Variants in RPGRIP1L observed in about 807,000 individuals in gnomAD.
The protein encoded by RPGRIP1L is protein fantom.
In RPGRIP1L, 131 loss-of-function variants were observed where a neutral mutation model predicts 160.4. The observed-to-expected ratio is 0.82, with a 90% CI of 0.71 to 0.94. RPGRIP1L has a LOEUF of 0.94. Ranked by LOEUF, RPGRIP1L falls within the 40% of genes least tolerant of loss-of-function variation. RPGRIP1L has a pLI of 0.00. For missense variants in RPGRIP1L, 1,522 were observed against 1,535.8 expected (o/e 0.99, Z 0.15); for synonymous variants, 510 against 515.8 (o/e 0.99, Z 0.15).
chr16:53,687,982 A>C lies in RPGRIP1L; in HGVS notation c.530-17T>G. The stretch of plus-strand genomic sequence containing the variant: ...ATTTTATACCTAAAAACAAAGTAAT[A>C]AAATATGATTACAGAATTGAAGTTA... On this transcript the variant is annotated splice_polypyrimidine_tract_variant and intron_variant, in intron 4 of 26. Coordinates refer to ENST00000647211, the MANE Select transcript of RPGRIP1L (RefSeq NM_015272.5). The C allele has an allele frequency of 1.5e-6, 2 of 1,376,576 alleles. No homozygotes were observed. The highest frequency in any genetic ancestry group is 2.1e-6 in the Non-Finnish European group (2 of 964,564). The allele number at this position is 1,376,576 out of a possible 1,614,324, so 85.3% of individuals were successfully genotyped here.
At chr16:53,684,479 A>C (rs1293280262) in intron 6 of RPGRIP1L, among the ~76,000 whole-genome samples, 2 of 152,112 alleles carry the variant, frequency 1.3e-5, no homozygotes, top group Non-Finnish European at 2.9e-5. Flanking sequence ...CATTCTCAGC[A>C]AACTATCGCA....
chr16:53,602,345 G>A (rs112031846), intron 26 of RPGRIP1L, among the ~76,000 whole-genome samples, 157 bp from the exon 27 acceptor site: 1 of 152,142 alleles, frequency 6.6e-6, no homozygotes, highest in East Asian at 1.9e-4. Flanking sequence ...ACCTTGTCAC[G>A]TGTGCATGGA....
intron 6 of RPGRIP1L, among the ~76,000 whole-genome samples, chr16:53,682,013 T>A (rs1389134111): frequency 6.6e-6 from 1 of 152,216 alleles, no homozygotes; most frequent in Non-Finnish European, 1.5e-5. Flanking sequence ...TTTCAATAGT[T>A]TTCCATTAGT....
chr16:53,658,331 G>T, intron 12 of RPGRIP1L, 83 bp downstream of exon 12: 1 of 982,574 alleles, frequency 1.0e-6, no homozygotes, highest in Non-Finnish European at 1.6e-6. Flanking sequence ...TTCTCCAAAT[G>T]TAAGGGTTAC....
intron 24 of RPGRIP1L, among the ~76,000 whole-genome samples, chr16:53,612,866 T>C (rs1336243732): frequency 6.6e-6 from 1 of 152,218 alleles, no homozygotes; most frequent in Non-Finnish European, 1.5e-5. Context: ...CTTCTTCATC[T>C]TCCCAAACTG....
chr16:53,658,592 A>C, intron 11 of RPGRIP1L, 128 bp from the exon 12 acceptor site: 2 of 895,056 alleles, frequency 2.2e-6, no homozygotes, highest in Non-Finnish European at 3.6e-6. Flanking sequence ...CTAAGTCTAC[A>C]AGACATTCCA....
intron 10 of RPGRIP1L, chr16:53,659,542 T>C (rs1284342878): frequency 6.6e-6 from 1 of 152,382 alleles, no homozygotes; most frequent in Non-Finnish European, 1.5e-5. Context: ...ACAGGTCTAT[T>C]ACATTAGGAG....
At chr16:53,664,062 A>T (rs1321639730) in intron 10 of RPGRIP1L, among the ~76,000 whole-genome samples, 1 of 152,172 alleles carries the variant, frequency 6.6e-6, no homozygotes, top group African/African-American at 2.4e-5. Flanking sequence ...AAAAGCAGCA[A>T]CCTTCTTAGC....
intron 4 of RPGRIP1L, 150 bp from the exon 5 acceptor site, chr16:53,688,115 A>C: frequency 1.7e-6 from 1 of 600,940 alleles, no homozygotes; most frequent in Non-Finnish European, 2.9e-6. Context: ...TACACTGCCA[A>C]AGGGAATATG....
At chr16:53,625,481 G>GT (rs1306781004) in intron 22 of RPGRIP1L, among the ~76,000 whole-genome samples, 1 of 147,168 alleles carries the variant, frequency 6.8e-6, no homozygotes, top group Non-Finnish European at 1.5e-5. Context: ...GGGCTGGGGG[G>GT]GGCGCGCCTC....
At chr16:53,676,394 AT>A (rs1200940876) in intron 6 of RPGRIP1L, among the ~76,000 whole-genome samples, 3 of 148,194 alleles carry the variant, frequency 2.0e-5, no homozygotes, top group Non-Finnish European at 2.9e-5. Context: ...AAAAATACAT[AT>A]ATATATAATA....
intron 25 of RPGRIP1L, chr16:53,607,889 G>A (rs370643359): frequency 1.7e-5 from 10 of 574,674 alleles, no homozygotes; most frequent in African/African-American, 4.0e-5. Flanking sequence ...AAAAAATAAC[G>A]AAAAGACACA....
chr16:53,665,795 G>A (rs1275032784), intron 9 of RPGRIP1L, among the ~76,000 whole-genome samples: 5 of 152,176 alleles, frequency 3.3e-5, no homozygotes. Context: ...GTTTATGCCA[G>A]TGGTTCCTAA....
At chr16:53,701,752 T>C (rs979065223) in intron 1 of RPGRIP1L, 1 of 151,866 alleles carries the variant, frequency 6.6e-6, no homozygotes, top group African/African-American at 2.4e-5. Context: ...CATTAAATAG[T>C]TGTTGAGTGA....
At chr16:53,622,976 G>A (rs114266059) in intron 22 of RPGRIP1L, among the ~76,000 whole-genome samples, 3,394 of 152,094 alleles carry the variant, frequency 0.022, 54 homozygotes, top group South Asian at 0.04. Flanking sequence ...TCTATGCACT[G>A]TAGCCTGGGT....
At chr16:53,626,884 G>A (rs1965222194) in intron 22 of RPGRIP1L, among the ~76,000 whole-genome samples, 2 of 151,284 alleles carry the variant, frequency 1.3e-5, no homozygotes, top group South Asian at 2.1e-4. Context: ...CTTATTTTTA[G>A]TTGTCTGTAT....
rs1321281371 is a variant in RPGRIP1L, at chr16:53,636,485, C to T, written c.3248G>A (p.Ser1083Asn). 1 of 1,612,396 alleles carries T rather than the reference C, an allele frequency of 6.2e-7. No homozygotes were observed. Among genetic ancestry groups the T allele is most frequent in the African/African-American group, 1.3e-5 (1 of 74,866 alleles). The change falls in exon 22 of 27, where the codon AGT becomes AAT. Residue 1083 changes from serine (S) to asparagine (N), a missense_variant. Transcript: ENST00000647211. ...AGGACCTGGAATAATACAGTCATCACTGTCAGAAGCTGACATGTCCTCTTC... is the reference window on the plus strand; with the variant it reads ...AGGACCTGGAATAATACAGTCATCATTGTCAGAAGCTGACATGTCCTCTTC... ...EVEEDMSASDSDDCIIPGPIS... is the reference protein window; with the variant it reads ...EVEEDMSASDNDDCIIPGPIS...
intron 4 of RPGRIP1L, 101 bp downstream of exon 4, chr16:53,691,965 A>T (rs1970412277): frequency 1.9e-6 from 2 of 1,079,008 alleles, no homozygotes; most frequent in Non-Finnish European, 1.4e-6. Flanking sequence ...TCCTAAAGAC[A>T]CTTAAAAGCA....
At chr16:53,649,791 T>A (rs1265651463) in intron 15 of RPGRIP1L, among the ~76,000 whole-genome samples, 1 of 152,176 alleles carries the variant, frequency 6.6e-6, no homozygotes, top group Non-Finnish European at 1.5e-5. Flanking sequence ...TATGTCCTTG[T>A]TAGGGCACTG....
Sources: allele counts gnomAD v4.1 joint callset (sites outside exome capture counted in the v4.1 genomes callset), GRCh38; gene constraint gnomAD v4.1.1; transcripts MANE v1.5; gene names NCBI Gene and HGNC (gene_info 2026-07-23, HGNC 2026-07-21).